Variants in CRADD observed in about 807,000 individuals in gnomAD.
CRADD encodes death domain-containing protein CRADD.
CRADD carries 9 observed loss-of-function variants against 15.5 expected under a neutral mutation model. That is an observed-to-expected ratio of 0.58 (90% confidence interval 0.35 to 1.01). CRADD has a LOEUF of 1.01. CRADD is among the 50% of genes least tolerant of loss of function. CRADD has a pLI of 0.02. For synonymous variants in CRADD, 118 were observed against 107.6 expected (o/e 1.10, Z -0.60); for missense variants, 227 against 250.3 (o/e 0.91, Z 0.63).
intron 2 of CRADD, among the ~76,000 whole-genome samples, chr12:93,888,228 A>G (rs1958551666): frequency 6.6e-6 from 1 of 152,178 alleles, no homozygotes; most frequent in South Asian, 2.1e-4. Context: ...GATCGAGACC[A>G]TCATAGCTAA....
chr12:93,764,770 C>T (rs1335711836), intron 2 of CRADD, among the ~76,000 whole-genome samples: 1 of 150,402 alleles, frequency 6.6e-6, no homozygotes, highest in Non-Finnish European at 1.5e-5. Context: ...GAATTACTTT[C>T]ATAGAAATAT....
chr12:93,697,135 C>A (rs1184708899), intron 2 of CRADD, among the ~76,000 whole-genome samples: 1 of 152,160 alleles, frequency 6.6e-6, no homozygotes, highest in African/African-American at 2.4e-5. Context: ...CCTGCAATGA[C>A]CATCCTGCTA....
chr12:93,829,803 A>T (rs1472169611), intron 2 of CRADD, among the ~76,000 whole-genome samples: 1 of 151,888 alleles, frequency 6.6e-6, no homozygotes, highest in Non-Finnish European at 1.5e-5. Context: ...AGCAATTCTC[A>T]TGCCTCAGGC....
intron 2 of CRADD, among the ~76,000 whole-genome samples, chr12:93,808,182 C>G (rs1316889589): frequency 6.6e-6 from 1 of 151,788 alleles, no homozygotes; most frequent in African/African-American, 2.4e-5. Flanking sequence ...CTAGCTCTCC[C>G]TCACACAGCC....
chr12:93,777,209 CCAGGTATT>C (rs1957149885), intron 2 of CRADD, among the ~76,000 whole-genome samples: 1 of 152,116 alleles, frequency 6.6e-6, no homozygotes, highest in Admixed American at 6.6e-5. Context: ...CTATGCTGAG[CCAGGTATT>C]CAGGTGGCTG....
rs192133115 is a variant in CRADD at position 93,819,357 on chromosome 12, G to A, written c.299-30613G>A. The stretch of plus-strand genomic sequence containing the variant: ...ATCTAGAAACCAGCTCAAGCAAGGA[G>A]CAGGGGTATTTAATGTGGAAGAGTG... On this transcript the variant is annotated intron_variant, in intron 2 of 2. Coordinates refer to ENST00000332896, the MANE Select transcript of CRADD (RefSeq NM_003805.5). Among the ~76,000 whole-genome samples the A allele has an allele frequency of 3.6e-3, 543 of 152,162 alleles. 3 individuals are homozygous for A. The highest frequency in any genetic ancestry group is 0.012 in the African/African-American group (505 of 41,576).
intron 2 of CRADD, among the ~76,000 whole-genome samples, chr12:93,757,782 A>C (rs1956907783): frequency 6.6e-6 from 1 of 152,026 alleles, no homozygotes; most frequent in African/African-American, 2.4e-5. Flanking sequence ...GGGAAAAAAA[A>C]GTGCAGGGGA....
intron 2 of CRADD, among the ~76,000 whole-genome samples, chr12:93,803,872 T>A (rs1055787091): frequency 6.6e-6 from 1 of 151,996 alleles, no homozygotes; most frequent in Admixed American, 6.6e-5. Context: ...CAAGAAAACA[T>A]TGGAAAAGGG....
chr12:93,759,179 G>A (rs61929001), intron 2 of CRADD, among the ~76,000 whole-genome samples: 5,498 of 152,244 alleles, frequency 0.036, 155 homozygotes, highest in South Asian at 0.063. Context: ...TGGACATGAT[G>A]TAACTAGAAT....
chr12:93,806,473 C>A (rs58532272), intron 2 of CRADD, among the ~76,000 whole-genome samples: 8,121 of 77,370 alleles, frequency 0.1, 316 homozygotes, highest in East Asian at 0.21. Context: ...AAAAAAAAAA[C>A]AAAAAAAAGA....
chr12:93,877,413 A>C (rs1958464941), intron 2 of CRADD, among the ~76,000 whole-genome samples: 2 of 152,238 alleles, frequency 1.3e-5, no homozygotes, highest in South Asian at 4.1e-4. Context: ...CCTTCCCTTC[A>C]GGGTGGCAAA....
At chr12:93,727,422 T>A (rs1423697742) in intron 2 of CRADD, among the ~76,000 whole-genome samples, 5 of 152,170 alleles carry the variant, frequency 3.3e-5, no homozygotes, top group African/African-American at 1.2e-4. Flanking sequence ...CTTATTTGGG[T>A]ACCAGAACCT....
At chr12:93,731,685 G>A (rs999948541) in intron 2 of CRADD, among the ~76,000 whole-genome samples, 7 of 152,166 alleles carry the variant, frequency 4.6e-5, no homozygotes, top group Non-Finnish European at 1.0e-4. Context: ...ATATAGCTAT[G>A]TTTGCTTAAC....
chr12:93,723,690 G>A (rs549341688), intron 2 of CRADD, among the ~76,000 whole-genome samples: 4 of 152,288 alleles, frequency 2.6e-5, no homozygotes, highest in Middle Eastern at 3.4e-3. Context: ...GGCTTTGCTG[G>A]GCAGTGGGAA....
chr12:93,713,307 C>A (rs1565883246), intron 2 of CRADD, among the ~76,000 whole-genome samples: 1 of 152,160 alleles, frequency 6.6e-6, no homozygotes, highest in Non-Finnish European at 1.5e-5. Flanking sequence ...TTCTGTCAGA[C>A]TTGTGCTGTT....
chr12:93,713,643 GTTA>G (rs1385208479), intron 2 of CRADD, among the ~76,000 whole-genome samples: 1 of 151,494 alleles, frequency 6.6e-6, no homozygotes, highest in African/African-American at 2.4e-5. Flanking sequence ...TGGTTGTATT[GTTA>G]TTGTTTATTT....
At chr12:93,796,818 C>T (rs1340301553) in intron 2 of CRADD, among the ~76,000 whole-genome samples, 1 of 152,094 alleles carries the variant, frequency 6.6e-6, no homozygotes, top group Non-Finnish European at 1.5e-5. Context: ...GTTCTGATGA[C>T]CCTGTGCTAT....
At chr12:93,732,930 C>G (rs1956491825) in intron 2 of CRADD, among the ~76,000 whole-genome samples, 1 of 152,192 alleles carries the variant, frequency 6.6e-6, no homozygotes, top group African/African-American at 2.4e-5. Flanking sequence ...TGCACACTGT[C>G]TTGTCTAATA....
intron 2 of CRADD, among the ~76,000 whole-genome samples, chr12:93,774,136 A>G (rs1957117489): frequency 1.3e-5 from 2 of 151,596 alleles, no homozygotes; most frequent in South Asian, 4.2e-4. Context: ...GTTTCTGGCC[A>G]CCATAGCTAC....
Sources: allele counts gnomAD v4.1 joint callset (sites outside exome capture counted in the v4.1 genomes callset), GRCh38; gene constraint gnomAD v4.1.1; transcripts MANE v1.5; gene names NCBI Gene and HGNC (gene_info 2026-07-23, HGNC 2026-07-21).